Variants in RBFOX1 observed in about 807,000 individuals in gnomAD.
RBFOX1 encodes the protein RNA binding protein fox-1 homolog 1.
In RBFOX1, 8 loss-of-function variants were observed where a neutral mutation model predicts 57.7. That is an observed-to-expected ratio of 0.14 (90% confidence interval 0.08 to 0.25). The LOEUF is 0.25. Among genes scored for constraint, RBFOX1 ranks in the 10% least tolerant of loss-of-function variants. The probability of loss-of-function intolerance (pLI) is 1.00; values close to 1 mark genes in which losing one functional copy is unlikely to be tolerated. For synonymous variants in RBFOX1, 326 were observed against 222.4 expected (o/e 1.47, Z -4.15); for missense variants, 611 against 548.5 (o/e 1.11, Z -1.14).
intron 4 of RBFOX1, among the ~76,000 whole-genome samples, chr16:7,333,669 T>C (rs2096732820): frequency 6.6e-6 from 1 of 152,192 alleles, no homozygotes; most frequent in African/African-American, 2.4e-5. Flanking sequence ...ATCTTAATGA[T>C]GGCAAGAAAG....
intron 4 of RBFOX1, among the ~76,000 whole-genome samples, chr16:7,149,387 C>G (rs2075680918): frequency 6.6e-6 from 1 of 152,140 alleles, no homozygotes; most frequent in Admixed American, 6.5e-5. Context: ...ATCCCCCACT[C>G]CATTCCCACT....
intron 3 of RBFOX1, among the ~76,000 whole-genome samples, chr16:5,769,733 C>A (rs1250757482): frequency 6.6e-6 from 1 of 152,110 alleles, no homozygotes; most frequent in Non-Finnish European, 1.5e-5. Flanking sequence ...GAGTCATCTA[C>A]AGTGAGAGGG....
At chr16:6,454,434 G>C (rs989678483) in intron 2 of RBFOX1, among the ~76,000 whole-genome samples, 4 of 152,120 alleles carry the variant, frequency 2.6e-5, no homozygotes, top group Non-Finnish European at 5.9e-5. Context: ...GTATGTGCCT[G>C]TGGTCCCAGC....
intron 3 of RBFOX1, among the ~76,000 whole-genome samples, chr16:5,624,556 T>A (rs1013794658): frequency 3.7e-4 from 56 of 152,268 alleles, no homozygotes; most frequent in South Asian, 8.3e-4. Flanking sequence ...ACCCCCTGAG[T>A]TCCTGGGATT....
intron 1 of RBFOX1, among the ~76,000 whole-genome samples, chr16:6,274,969 T>C (rs1382403269): frequency 2.0e-5 from 3 of 152,104 alleles, no homozygotes; most frequent in Non-Finnish European, 4.4e-5. Flanking sequence ...TGATACCGTG[T>C]GCTGTGAAAA....
chr16:5,650,831 A>T (rs932131583), intron 3 of RBFOX1, among the ~76,000 whole-genome samples: 2 of 152,062 alleles, frequency 1.3e-5, no homozygotes, highest in African/African-American at 4.8e-5. Flanking sequence ...AGGACGGGGC[A>T]GCAGGCGACG....
downstream of RBFOX1, among the ~76,000 whole-genome samples, chr16:5,602,616 G>A (rs1596401905): frequency 6.6e-6 from 1 of 152,328 alleles, no homozygotes; most frequent in Admixed American, 6.5e-5. Flanking sequence ...TGAGTGCAGA[G>A]AGATGTCAGA....
At chr16:6,260,288 G>C (rs1398504741) in intron 1 of RBFOX1, among the ~76,000 whole-genome samples, 1 of 152,166 alleles carries the variant, frequency 6.6e-6, no homozygotes, top group East Asian at 1.9e-4. Flanking sequence ...TTTGGTTTAT[G>C]AATGTTCCAG....
Position 5,989,622 on chromosome 16 carries a change from C to T in RBFOX1, c.351+122287C>T, listed in dbSNP as rs993890149. Among the ~76,000 whole-genome samples, 6 of 152,052 alleles carry T rather than the reference C, an allele frequency of 3.9e-5. No homozygotes were observed. In the East Asian group the frequency reaches 1.2e-3, roughly 30 times the overall value. ...GTGGGTGGGGGCAGAAGACCTCTGC[C>T]ATGCTTTTCTGCCCTTCACCTCCAA... On this transcript the variant is annotated intron_variant, in intron 4 of 19. Transcript: ENST00000641259.
intron 4 of RBFOX1, among the ~76,000 whole-genome samples, chr16:7,268,820 C>T (rs957336800): frequency 4.6e-5 from 7 of 151,816 alleles, no homozygotes; most frequent in African/African-American, 1.7e-4. Context: ...GGGCGGATCA[C>T]GAGGTCAGGA....
intron 2 of RBFOX1, among the ~76,000 whole-genome samples, chr16:5,593,115 G>A: frequency 6.6e-6 from 1 of 151,974 alleles, no homozygotes; most frequent in East Asian, 1.9e-4. Context: ...TGATAGACTG[G>A]AGAAAGAAAA....
At chr16:5,575,466 G>A (rs567703539) in intron 2 of RBFOX1, among the ~76,000 whole-genome samples, 1 of 152,200 alleles carries the variant, frequency 6.6e-6, no homozygotes, top group East Asian at 1.9e-4. Context: ...GATACACCAA[G>A]AATGCAGAAA....
At chr16:7,509,091 G>A (rs1364982724) in intron 4 of RBFOX1, among the ~76,000 whole-genome samples, 1 of 152,178 alleles carries the variant, frequency 6.6e-6, no homozygotes. Context: ...GATTTCACTG[G>A]GGAATTTTTT....
intron 2 of RBFOX1, among the ~76,000 whole-genome samples, chr16:6,361,120 A>G (rs966129963): frequency 3.0e-4 from 46 of 152,142 alleles, no homozygotes; most frequent in Admixed American, 2.8e-3. Context: ...CATTACAAAT[A>G]TGTAATATGG....
intron 4 of RBFOX1, among the ~76,000 whole-genome samples, chr16:7,142,898 C>T (rs146879778): frequency 9.2e-5 from 13 of 141,658 alleles, no homozygotes; most frequent in Non-Finnish European, 2.0e-4. Flanking sequence ...CATCTGCAGA[C>T]ACATCTGCAG....
At chr16:5,829,685 C>CAAGAGAACAAAGGCAT (rs2056197229) in intron 3 of RBFOX1, among the ~76,000 whole-genome samples, 1 of 151,800 alleles carries the variant, frequency 6.6e-6, no homozygotes, top group African/African-American at 2.4e-5. Flanking sequence ...GGCATTGACG[C>CAAGAGAACAAAGGCAT]AAGAGAACAA....
At chr16:6,690,073 C>CT (rs1198287919) in intron 3 of RBFOX1, among the ~76,000 whole-genome samples, 9 of 151,992 alleles carry the variant, frequency 5.9e-5, no homozygotes, top group Non-Finnish European at 1.3e-4. Context: ...TTTATTTTTG[C>CT]TTTTTTTCCT....
At chr16:5,735,997 G>T (rs1242912476) in intron 3 of RBFOX1, among the ~76,000 whole-genome samples, 1 of 152,186 alleles carries the variant, frequency 6.6e-6, no homozygotes, top group Non-Finnish European at 1.5e-5. Flanking sequence ...GCAGAGGTTT[G>T]CTTAGGGTCC....
At chr16:7,222,198 G>C (rs112734986) in intron 4 of RBFOX1, among the ~76,000 whole-genome samples, 2,862 of 152,252 alleles carry the variant, frequency 0.019, 85 homozygotes, top group African/African-American at 0.066. Flanking sequence ...CCACACCAGA[G>C]GGCAGGTGGT....
Sources: gnomAD v4.1 joint callset for allele counts (sites outside exome capture counted in the v4.1 genomes callset) on GRCh38, gnomAD v4.1.1 for gene constraint, MANE v1.5 for transcripts, NCBI Gene and HGNC (gene_info 2026-07-23, HGNC 2026-07-21) for gene names.